Variants in PUM2 observed in about 807,000 individuals in gnomAD.
The protein encoded by PUM2 is pumilio homolog 2.
Under a neutral mutation model 124.5 loss-of-function variants are expected in PUM2, and 57 were observed. The observed-to-expected ratio is 0.46, with a 90% CI of 0.37 to 0.57. PUM2 has a LOEUF of 0.57. Ranked by LOEUF, PUM2 falls within the 20% of genes least tolerant of loss-of-function variation. PUM2 has a pLI of 0.00. For missense variants in PUM2, 1,065 were observed against 1,290.6 expected (o/e 0.83, Z 2.68); for synonymous variants, 460 against 446.1 (o/e 1.03, Z -0.39).
intron 7 of PUM2, among the ~76,000 whole-genome samples, chr2:20,298,492 A>C (rs1676181712): frequency 6.6e-6 from 1 of 152,284 alleles, no homozygotes; most frequent in Admixed American, 6.5e-5. Context: ...AGAAACTCTC[A>C]GATGTTGAGG....
chr2:20,252,330 T>C (rs998076017), intron 20 of PUM2, among the ~76,000 whole-genome samples: 2 of 152,168 alleles, frequency 1.3e-5, no homozygotes, highest in African/African-American at 4.8e-5. Flanking sequence ...GAGGATGGCT[T>C]GAGCCAGGAA....
Position 20,279,734 on chromosome 2 carries a change from C to T in PUM2, c.1721-915G>A, listed in dbSNP as rs368893771. Among the ~76,000 whole-genome samples, 5 of 152,254 alleles carry T rather than the reference C, an allele frequency of 3.3e-5. No homozygotes were observed. The East Asian group carries it at 9.6e-4, about 29-fold the overall frequency. The stretch of plus-strand genomic sequence containing the variant: ...TGTAGGCCCTGGTGAGCTATACATG[C>T]TCAGAAGAGCTAATCAAGATCTGGC... On this transcript the variant is annotated intron_variant, in intron 12 of 20. Transcript: ENST00000361078.
At position 20,282,946 on chromosome 2, in the gene PUM2, C is replaced by A; in HGVS notation, c.1720+1G>T. 2 of 1,612,348 alleles carry A rather than the reference C, an allele frequency of 1.2e-6. No individual in the cohort carries two copies. Among genetic ancestry groups the A allele is most frequent in the Non-Finnish European group, 1.7e-6 (2 of 1,179,424 alleles). On this transcript the variant is annotated splice_donor_variant, in intron 12 of 20. Transcript: ENST00000361078. LOFTEE classifies it high-confidence loss of function. ...TACACTCATCGTAAAAACAAACTTA[C>A]CTGATGAACCAAATCCACTGAGGGC...
intron 10 of PUM2, among the ~76,000 whole-genome samples, chr2:20,285,561 G>A (rs538030606): frequency 3.9e-5 from 6 of 152,064 alleles, no homozygotes; most frequent in Non-Finnish European, 8.8e-5. Context: ...GGAGTTTGGT[G>A]CATTCTGTTC....
At chr2:20,334,999 G>A (rs1014086967) in intron 1 of PUM2, among the ~76,000 whole-genome samples, 4 of 152,132 alleles carry the variant, frequency 2.6e-5, no homozygotes, top group African/African-American at 9.7e-5. Context: ...CGAAGCTAGA[G>A]TACAGTGGGG....
intron 10 of PUM2, among the ~76,000 whole-genome samples, chr2:20,286,029 G>A (rs185577599): frequency 2.5e-4 from 38 of 152,230 alleles, no homozygotes; most frequent in African/African-American, 8.2e-4. Flanking sequence ...AAAGAGAGAC[G>A]GAGCAAAGAG....
intron 8 of PUM2, among the ~76,000 whole-genome samples, chr2:20,297,173 T>C (rs1675817308): frequency 6.6e-6 from 1 of 152,240 alleles, no homozygotes. Context: ...TCTTACTCTA[T>C]TCTACCCCTG....
intron 14 of PUM2, among the ~76,000 whole-genome samples, chr2:20,262,053 C>CTACT (rs1666427546): frequency 6.6e-6 from 1 of 152,068 alleles, no homozygotes; most frequent in East Asian, 1.9e-4. Context: ...GATGATCATG[C>CTACT]TACTGTATTC....
chr2:20,283,719 A>T (rs1162885362), intron 10 of PUM2, among the ~76,000 whole-genome samples: 1 of 152,224 alleles, frequency 6.6e-6, no homozygotes, highest in Non-Finnish European at 1.5e-5. Context: ...AGGGGCCACA[A>T]AATGAAGAGG....
At chr2:20,264,336 C>CAAAAAAA (rs869149732) in intron 13 of PUM2, among the ~76,000 whole-genome samples, 2 of 25,390 alleles carry the variant, frequency 7.9e-5, no homozygotes, top group East Asian at 2.3e-3. Flanking sequence ...CACTCTGTCT[C>CAAAAAAA]AAAAAAAAAA....
At chr2:20,334,156 T>A (rs10206974) in intron 1 of PUM2, among the ~76,000 whole-genome samples, 55,255 of 151,410 alleles carry the variant, frequency 0.36, 10,246 homozygotes, top group Middle Eastern at 0.44. Flanking sequence ...AATTTTTTTT[T>A]AAAAAATTAG....
chr2:20,284,756 C>A (rs2148920600), intron 10 of PUM2, among the ~76,000 whole-genome samples: 1 of 152,310 alleles, frequency 6.6e-6, no homozygotes, highest in African/African-American at 2.4e-5. Flanking sequence ...GCAGCATGAA[C>A]ATTTTATTGC....
At chr2:20,330,539 G>A (rs938274295) in intron 1 of PUM2, among the ~76,000 whole-genome samples, 4 of 152,220 alleles carry the variant, frequency 2.6e-5, no homozygotes, top group South Asian at 2.1e-4. Flanking sequence ...AGTTCTGGGA[G>A]CTTACAGATA....
intron 10 of PUM2, among the ~76,000 whole-genome samples, chr2:20,284,175 G>A (rs565272915): frequency 1.3e-5 from 2 of 152,232 alleles, no homozygotes; most frequent in Admixed American, 1.3e-4. Context: ...CCTAAGGATG[G>A]TATATAACAA....
chr2:20,297,433 A>G, intron 8 of PUM2, 120 bp downstream of exon 8: 1 of 987,748 alleles, frequency 1.0e-6, no homozygotes, highest in Non-Finnish European at 1.4e-6. Flanking sequence ...TTCATTCTGG[A>G]TAATGTTTCA....
intron 1 of PUM2, among the ~76,000 whole-genome samples, chr2:20,339,196 T>A (rs80123772): frequency 6.6e-6 from 1 of 152,176 alleles, no homozygotes; most frequent in African/African-American, 2.4e-5. Flanking sequence ...ATGCAGAATA[T>A]GTATCATGAC....
intron 1 of PUM2, among the ~76,000 whole-genome samples, chr2:20,346,661 AAACC>A (rs1688298872): frequency 6.6e-6 from 1 of 152,202 alleles, no homozygotes; most frequent in Non-Finnish European, 1.5e-5. Context: ...AGCTGTCCTC[AAACC>A]AGGTTTCCTC....
At chr2:20,298,648 T>G (rs1422857848) in intron 7 of PUM2, among the ~76,000 whole-genome samples, 1 of 151,960 alleles carries the variant, frequency 6.6e-6, no homozygotes, top group Non-Finnish European at 1.5e-5. Flanking sequence ...GCAGGTGGAA[T>G]ACCTGAGGTC....
chr2:20,253,513 T>C (rs1663991233), intron 20 of PUM2, among the ~76,000 whole-genome samples: 1 of 142,362 alleles, frequency 7.0e-6, no homozygotes, highest in Non-Finnish European at 1.5e-5. Flanking sequence ...ATTGTTTTTC[T>C]TTTTTTTTTT....
Sources: allele counts gnomAD v4.1 joint callset (sites outside exome capture counted in the v4.1 genomes callset), GRCh38; gene constraint gnomAD v4.1.1; transcripts MANE v1.5; gene names NCBI Gene and HGNC (gene_info 2026-07-23, HGNC 2026-07-21).